The following DTX2 variants were observed in gnomAD, a reference collection of about 807,000 sequenced individuals.
The protein encoded by DTX2 is probable E3 ubiquitin-protein ligase DTX2.
Under a neutral mutation model 55.3 loss-of-function variants are expected in DTX2, and 29 were observed. The ratio of observed to expected loss-of-function variants is 0.52; its 90% CI spans 0.39 to 0.71. The LOEUF (loss-of-function observed/expected upper bound fraction) is 0.71, where lower values mean the gene tolerates loss of function less well. DTX2 is among the 30% of genes least tolerant of loss of function. The pLI is 0.00. For missense variants in DTX2, 537 were observed against 822.5 expected (o/e 0.65, Z 4.25); for synonymous variants, 276 against 340.4 (o/e 0.81, Z 2.08).
rs752290730 is a variant in DTX2 at position 76,492,296 on chromosome 7, G to A, written c.1009+43G>A. 6.7e-6 allele frequency: 6 copies of A among 896,374 alleles called. 2 individuals carry two copies. In the South Asian group the frequency reaches 1.1e-4, roughly 16 times the overall value. The allele number at this position is 896,374 out of a possible 1,614,324, so 55.5% of individuals were successfully genotyped here. ...GGCTGCAGAGCAGTCTGTGCCCTGC[G>A]GACTTGGTGGGGAGGAAATTGTGAT... On this transcript the variant is annotated intron_variant, in intron 5 of 10. Transcript: ENST00000430490.
intron 6 of DTX2, 95 bp from the exon 7 acceptor site, chr7:76,500,346 T>G: frequency 3.3e-6 from 2 of 600,880 alleles, no homozygotes; most frequent in Non-Finnish European, 5.4e-6. Context: ...CATTTCCTCC[T>G]GGCAGCTTAG....
intron 3 of DTX2, among the ~76,000 whole-genome samples, chr7:76,482,214 G>A (rs1340342504): frequency 6.7e-6 from 1 of 150,304 alleles, no homozygotes; most frequent in Non-Finnish European, 1.5e-5. Context: ...TTTGAAGTTA[G>A]CTGGGTGTGG....
chr7:76,464,992 C>T (rs1430720407), intron 2 of DTX2, among the ~76,000 whole-genome samples: 1 of 150,586 alleles, frequency 6.6e-6, no homozygotes, highest in Non-Finnish European at 1.5e-5. Flanking sequence ...GGCTGGAGAG[C>T]GGTGGTGCAA....
rs535140461 is a variant in DTX2 at position 76,477,748 on chromosome 7, G to C, written c.-89-2673G>C. Among the ~76,000 whole-genome samples the C allele has an allele frequency of 2.7e-4, 36 of 135,766 alleles. 1 individual carries two copies. The South Asian group carries it at 9.2e-3, about 35-fold the overall frequency. The allele number at this position is 135,766 out of a possible 152,430, so 89.1% of individuals were successfully genotyped here. ...AGGAGACCATGGGGCTGCAGTGAGTGGTGATTGCAGCCACTGCACTCTAGC... is the reference window on the plus strand; with the variant it reads ...AGGAGACCATGGGGCTGCAGTGAGTCGTGATTGCAGCCACTGCACTCTAGC... On this transcript the variant is annotated intron_variant, in intron 2 of 10. Transcript: ENST00000430490.
At chr7:76,473,179 C>A (rs1422901825) in intron 2 of DTX2, among the ~76,000 whole-genome samples, 1 of 151,900 alleles carries the variant, frequency 6.6e-6, no homozygotes, top group East Asian at 1.9e-4. Flanking sequence ...TAAAGTAGAA[C>A]ATTTCTTTGA....
chr7:76,469,076 T>G (rs1292600902), intron 2 of DTX2, among the ~76,000 whole-genome samples: 2 of 136,076 alleles, frequency 1.5e-5, no homozygotes, highest in Non-Finnish European at 3.2e-5. Context: ...CACTGCCTGA[T>G]TTTGTTCATA....
At chr7:76,471,186 G>C in intron 2 of DTX2, 1 of 561,434 alleles carries the variant, frequency 1.8e-6, no homozygotes, top group Non-Finnish European at 3.1e-6. Flanking sequence ...TTTTGAGACG[G>C]AGTCTTGCTC....
chr7:76,480,080 G>A (rs561627789), intron 2 of DTX2, among the ~76,000 whole-genome samples: 1 of 104,236 alleles, frequency 9.6e-6, no homozygotes, highest in African/African-American at 4.2e-5. Flanking sequence ...AGGCTGAGGC[G>A]AGTCTATCCC....
At chr7:76,463,170 C>T (rs1471965744) in intron 1 of DTX2, among the ~76,000 whole-genome samples, 9 of 149,930 alleles carry the variant, frequency 6.0e-5, no homozygotes, top group African/African-American at 2.2e-4. Flanking sequence ...CCCAGCTACT[C>T]GGGAAGCTGA....
intron 2 of DTX2, among the ~76,000 whole-genome samples, chr7:76,479,446 T>A (rs1366044468): frequency 8.6e-6 from 1 of 115,878 alleles, no homozygotes; most frequent in African/African-American, 3.3e-5. Flanking sequence ...GTGCTGCAGT[T>A]CCCAGCTCTG....
At chr7:76,486,800 G>A (rs1809950586) in intron 4 of DTX2, among the ~76,000 whole-genome samples, 2 of 141,896 alleles carry the variant, frequency 1.4e-5, no homozygotes, top group African/African-American at 5.1e-5. Context: ...TGGCTCAGTG[G>A]CCCTGCAAAA....
Position 76,496,420 on chromosome 7 carries a change from G to T in DTX2, c.1010-917G>T, listed in dbSNP as rs1167470710. On this transcript the variant is annotated intron_variant, in intron 5 of 10. Transcript: ENST00000430490. ...ACCCTGGAAGCCACCTTAAGAGATG[G>T]CTAAGAAGCTCTAGGCTTCCCCTTT... is the stretch of plus-strand genomic sequence containing the variant. Among the ~76,000 whole-genome samples the T allele has an allele frequency of 8.3e-5, 7 of 84,250 alleles. 3 individuals are homozygous for T. The highest frequency in any genetic ancestry group is 7.8e-4 in the Admixed American group (7 of 8,958). 55.3% of individuals were successfully genotyped at this position (84,250 alleles called of 152,430 possible).
Position 76,505,536 on chromosome 7 carries a change from C to T in DTX2, c.1804C>T (p.Leu602=). 1 of 1,608,920 alleles carries T rather than the reference C, an allele frequency of 6.2e-7. No homozygotes were observed. The highest frequency in any genetic ancestry group is 8.5e-7 in the Non-Finnish European group (1 of 1,178,062). ...CCACGGCTATCCCGACCCCAACTAC[C>T]TGCAGAACGTGCTGGCTGAGCTGGC... ...TGHGYPDPNY[L]QNVLAELAAQ... The change falls in exon 11 of 11, where the codon CTG becomes TTG. Residue 602 remains leucine, a synonymous_variant. Coordinates refer to ENST00000430490, the MANE Select transcript of DTX2 (RefSeq NM_001102594.3). This position sits in a 1 kb window ranked among gnomAD's most constrained non-coding sequence, Gnocchi z 4.4.
At chr7:76,474,826 CTT>C (rs973857082) in intron 2 of DTX2, 1 of 151,990 alleles carries the variant, frequency 6.6e-6, no homozygotes, top group Admixed American at 6.6e-5. Context: ...ACTAGAAAGA[CTT>C]TTGGATACTT....
intron 8 of DTX2, 66 bp downstream of exon 8, chr7:76,502,522 G>A: frequency 4.5e-5 from 69 of 1,542,158 alleles, no homozygotes; most frequent in Non-Finnish European, 6.1e-5. Context: ...GTCCCCTGCA[G>A]GGGCGGGAGG....
chr7:76,489,899 A>AAC (rs1810244494), intron 4 of DTX2, among the ~76,000 whole-genome samples: 3 of 123,652 alleles, frequency 2.4e-5, no homozygotes, highest in Non-Finnish European at 5.4e-5. Context: ...AAAAAAAAAA[A>AAC]AACAACAACC....
chr7:76,488,725 G>A (rs1257258664), intron 4 of DTX2, among the ~76,000 whole-genome samples: 5 of 79,540 alleles, frequency 6.3e-5, no homozygotes, highest in Admixed American at 3.7e-4. Context: ...GTGAAACCCC[G>A]TCTCTACTAA....
chr7:76,484,619 C>T (rs1809703244), intron 4 of DTX2, among the ~76,000 whole-genome samples: 1 of 150,888 alleles, frequency 6.6e-6, no homozygotes, highest in South Asian at 2.1e-4. Context: ...CCTTTCTCCG[C>T]ACTGGCCCTG....
chr7:76,498,413 C>T (rs1285173609), intron 6 of DTX2, among the ~76,000 whole-genome samples: 19 of 151,732 alleles, frequency 1.3e-4, no homozygotes, highest in Admixed American at 1.3e-3. Flanking sequence ...AGGAGCCAGA[C>T]TCGTTGGCAG....
Sources: gnomAD v4.1 joint callset for allele counts (sites outside exome capture counted in the v4.1 genomes callset) on GRCh38, gnomAD v4.1.1 for gene constraint, Gnocchi (gnomAD v3.1) non-coding constraint, MANE v1.5 for transcripts, NCBI Gene and HGNC (gene_info 2026-07-23, HGNC 2026-07-21) for gene names.